Variants in SKAP1 observed in about 807,000 individuals in gnomAD.
SKAP1 encodes the protein src kinase-associated phosphoprotein 1.
In SKAP1, 44 loss-of-function variants were observed where a neutral mutation model predicts 58.5. The ratio of observed to expected loss-of-function variants is 0.75; its 90% CI spans 0.59 to 0.97. The LOEUF (loss-of-function observed/expected upper bound fraction) is 0.97, where lower values mean the gene tolerates loss of function less well. SKAP1 is among the 50% of genes least tolerant of loss of function. The pLI is 0.00. For missense variants in SKAP1, 390 were observed against 435.2 expected (o/e 0.90, Z 0.92); for synonymous variants, 127 against 149.7 (o/e 0.85, Z 1.11).
Position 48,399,995 on chromosome 17 carries a change from C to T in SKAP1, c.47-3210G>A, listed in dbSNP as rs2067475682. Reference sequence around the variant, plus strand: ...CAGATGACATCCTGTATATGGAACACCCTAAGGAATCTATTAAAAAACTAT... The same window carrying T: ...CAGATGACATCCTGTATATGGAACATCCTAAGGAATCTATTAAAAAACTAT... On this transcript the variant is annotated intron_variant, in intron 1 of 12. Coordinates refer to ENST00000336915, the MANE Select transcript of SKAP1 (RefSeq NM_003726.4). 3.3e-5 allele frequency among the ~76,000 whole-genome samples: 5 copies of T among 151,906 alleles called. No individual in the cohort carries two copies. The South Asian group carries it at 1.0e-3, about 32-fold the overall frequency.
intron 4 of SKAP1, among the ~76,000 whole-genome samples, chr17:48,297,817 A>G (rs1341442990): frequency 6.6e-6 from 1 of 152,260 alleles, no homozygotes; most frequent in Non-Finnish European, 1.5e-5. Context: ...TCAAAGAACC[A>G]TTGAAGGTAT....
chr17:48,156,241 G>C (rs2063975370), intron 11 of SKAP1, among the ~76,000 whole-genome samples: 1 of 152,224 alleles, frequency 6.6e-6, no homozygotes, highest in Non-Finnish European at 1.5e-5. Context: ...GCTTCTGTGA[G>C]ATTAATTCTG....
chr17:48,424,175 C>G lies in SKAP1; in HGVS notation c.46+5900G>C, dbSNP rs1016259561. Reference sequence around the variant, plus strand: ...TTGGTTCATAGATAGCACCTTTTAACTGTGTCCTCACATAGTGGAAGGAGT... The same window carrying G: ...TTGGTTCATAGATAGCACCTTTTAAGTGTGTCCTCACATAGTGGAAGGAGT... On this transcript the variant is annotated intron_variant, in intron 1 of 12. Transcript: ENST00000336915. Among the ~76,000 whole-genome samples the G allele has an allele frequency of 7.9e-5, 12 of 151,066 alleles. 1 individual carries two copies. Among genetic ancestry groups the G allele is most frequent in the Admixed American group, 7.2e-4 (11 of 15,202 alleles).
chr17:48,134,909 G>C (rs1471284686), intron 12 of SKAP1, among the ~76,000 whole-genome samples: 1 of 152,030 alleles, frequency 6.6e-6, no homozygotes, highest in Non-Finnish European at 1.5e-5. Flanking sequence ...TCACCATGTT[G>C]GTGAGGCCGG....
chr17:48,204,968 TTTTCTTTTC>T (rs908786836), intron 4 of SKAP1, among the ~76,000 whole-genome samples: 1 of 62,402 alleles, frequency 1.6e-5, no homozygotes, highest in African/African-American at 7.1e-5. Context: ...CTTTCTTTTC[TTTTCTTTTC>T]TTTCTTTCTT....
intron 4 of SKAP1, among the ~76,000 whole-genome samples, chr17:48,201,333 C>T (rs2064725398): frequency 6.7e-6 from 1 of 150,074 alleles, no homozygotes; most frequent in Non-Finnish European, 1.5e-5. Context: ...TCTCTCCTCC[C>T]TCTCTCTCTC....
At chr17:48,158,608 C>G (rs1239709935) in intron 11 of SKAP1, among the ~76,000 whole-genome samples, 2 of 138,570 alleles carry the variant, frequency 1.4e-5, no homozygotes, top group Admixed American at 1.5e-4. Context: ...AAAAGATTCT[C>G]CTGAGTTTGG....
At chr17:48,352,144 T>C (rs994748180) in intron 3 of SKAP1, among the ~76,000 whole-genome samples, 3 of 150,280 alleles carry the variant, frequency 2.0e-5, no homozygotes. Context: ...AATGCTGGGA[T>C]TTTTAACCCT....
chr17:48,387,014 C>A (rs532097445), intron 2 of SKAP1, among the ~76,000 whole-genome samples: 1 of 152,148 alleles, frequency 6.6e-6, no homozygotes. Flanking sequence ...TGAATTTTAA[C>A]CATTTTAGGA....
At chr17:48,392,001 G>A (rs1465716065) in intron 2 of SKAP1, among the ~76,000 whole-genome samples, 1 of 152,006 alleles carries the variant, frequency 6.6e-6, no homozygotes, top group African/African-American at 2.4e-5. Context: ...TTTAAGAAAA[G>A]TAAAACTCTC....
intron 4 of SKAP1, among the ~76,000 whole-genome samples, chr17:48,309,238 C>T (rs749858007): frequency 8.6e-5 from 13 of 151,774 alleles, no homozygotes; most frequent in Middle Eastern, 3.4e-3. Flanking sequence ...AACTTGGTTC[C>T]GATATTTGTA....
intron 11 of SKAP1, among the ~76,000 whole-genome samples, chr17:48,155,813 C>T (rs778761119): frequency 7.2e-5 from 11 of 152,168 alleles, no homozygotes; most frequent in Non-Finnish European, 1.3e-4. Context: ...GCCGAGACCG[C>T]GCCGCTGCAT....
rs1239177415 is a variant in SKAP1 at position 48,264,149 on chromosome 17, TA to T, written c.281-74650del. On this transcript the variant is annotated intron_variant, in intron 4 of 12. Transcript: ENST00000336915. ...TCCAAAACAAAAACATGGAAATGGTTAAAATTGATTTTTTGTATTTTCTAAA... is the reference window on the plus strand; with the variant it reads ...TCCAAAACAAAAACATGGAAATGGTTAAATTGATTTTTTGTATTTTCTAAA... Among the ~76,000 whole-genome samples, 5 of 152,198 alleles carry T rather than the reference TA, an allele frequency of 3.3e-5. No individual in the cohort carries two copies. The East Asian group carries it at 7.7e-4, about 23-fold the overall frequency.
intron 1 of SKAP1, among the ~76,000 whole-genome samples, chr17:48,425,061 C>T (rs559304223): frequency 1.1e-4 from 16 of 152,150 alleles, no homozygotes; most frequent in African/African-American, 3.6e-4. Flanking sequence ...AGTTCGAGAC[C>T]AGCCTGGCCA....
chr17:48,303,145 CT>C (rs1471803223), intron 4 of SKAP1, among the ~76,000 whole-genome samples: 3 of 152,136 alleles, frequency 2.0e-5, no homozygotes, highest in Admixed American at 6.5e-5. Flanking sequence ...AAATAAAGAT[CT>C]TTAAAGGTAG....
chr17:48,285,598 G>C (rs947612982), intron 4 of SKAP1, among the ~76,000 whole-genome samples: 1 of 144,948 alleles, frequency 6.9e-6, no homozygotes, highest in Non-Finnish European at 1.5e-5. Context: ...TTGGGTGACA[G>C]AGCAAGACTC....
At chr17:48,139,416 C>T (rs1009216481) in intron 11 of SKAP1, among the ~76,000 whole-genome samples, 28 of 151,920 alleles carry the variant, frequency 1.8e-4, no homozygotes, top group East Asian at 1.2e-3. Context: ...CTCCTGACCT[C>T]GTCATCCACC....
intron 6 of SKAP1, among the ~76,000 whole-genome samples, chr17:48,185,421 C>A (rs921986043): frequency 6.6e-6 from 1 of 151,940 alleles, no homozygotes; most frequent in Non-Finnish European, 1.5e-5. Context: ...TGGGAAGTAG[C>A]AGAATAACGT....
At chr17:48,223,263 T>C (rs891460470) in intron 4 of SKAP1, among the ~76,000 whole-genome samples, 1 of 152,138 alleles carries the variant, frequency 6.6e-6, no homozygotes, top group African/African-American at 2.4e-5. Flanking sequence ...CAGAAGTAGA[T>C]TTATGCTTAA....
Sources: allele counts gnomAD v4.1 joint callset (sites outside exome capture counted in the v4.1 genomes callset), GRCh38; gene constraint gnomAD v4.1.1; transcripts MANE v1.5; gene names NCBI Gene and HGNC (gene_info 2026-07-23, HGNC 2026-07-21).